Variants in UBE2V2 observed in about 807,000 individuals in gnomAD.
UBE2V2 encodes ubiquitin conjugating enzyme E2 V2.
In UBE2V2, 9 loss-of-function variants were observed where a neutral mutation model predicts 17.2. The ratio of observed to expected loss-of-function variants is 0.52; its 90% CI spans 0.32 to 0.91. UBE2V2 has a LOEUF of 0.91. Ranked by LOEUF, UBE2V2 falls within the 40% of genes least tolerant of loss-of-function variation. The pLI is 0.04. For missense variants in UBE2V2, 133 were observed against 182.6 expected, an observed-to-expected ratio of 0.73 and a Z score of 1.56; for synonymous variants, 61 against 57.5, an observed-to-expected ratio of 1.06 and a Z score of -0.28.
chr8:48,053,667 C>T (rs2091553900), intron 3 of UBE2V2, among the ~76,000 whole-genome samples: 1 of 151,564 alleles, frequency 6.6e-6, no homozygotes, highest in Non-Finnish European at 1.5e-5. Context: ...CTCAAATGAT[C>T]CGCCCGCCTC....
the UBE2V2 span, among the ~76,000 whole-genome samples, chr8:47,998,421 G>T: frequency 6.6e-6 from 1 of 151,982 alleles, no homozygotes; most frequent in Admixed American, 6.6e-5. Context: ...CGTGTCAGGT[G>T]TCCCTGACAC....
upstream of UBE2V2, among the ~76,000 whole-genome samples, chr8:48,005,857 T>C (rs1057469477): frequency 3.3e-5 from 5 of 152,178 alleles, no homozygotes; most frequent in African/African-American, 9.6e-5. Flanking sequence ...CACTTTTTGA[T>C]GGACTTATTT....
chr8:48,045,867 C>G (rs2091495201), intron 2 of UBE2V2, among the ~76,000 whole-genome samples: 1 of 152,168 alleles, frequency 6.6e-6, no homozygotes, highest in Non-Finnish European at 1.5e-5. Flanking sequence ...GTTGTTTTCT[C>G]CTTAGAAGGT....
At position 48,063,828 on chromosome 8, in the gene UBE2V2, C is replaced by T. The variant is rs1483164575; in HGVS notation, c.*3000C>T. On this transcript the variant is annotated 3_prime_UTR_variant, in exon 4 of 4. Transcript: ENST00000523111. ...TTTCGCAGAGTAGATTTGTTTGACT[C>T]ATGGTTTATTAGTCTGGATTACTTA... is the stretch of plus-strand genomic sequence containing the variant. The T allele has an allele frequency of 6.6e-6, 1 of 152,148 alleles. No homozygotes were observed. The highest frequency in any genetic ancestry group is 6.6e-5 in the Admixed American group (1 of 15,266). 9.4% of individuals were successfully genotyped at this position (152,148 alleles called of 1,614,324 possible). A position where few individuals can be genotyped will look rare whatever the true frequency, so the allele number is the denominator to read the frequency against.
At chr8:48,010,658 C>T (rs1244318671) in intron 1 of UBE2V2, among the ~76,000 whole-genome samples, 1 of 149,016 alleles carries the variant, frequency 6.7e-6, no homozygotes, top group Non-Finnish European at 1.5e-5. Flanking sequence ...TCCCAAATTG[C>T]TGGGATTACA....
At chr8:48,025,222 C>T (rs1157451972) in intron 1 of UBE2V2, among the ~76,000 whole-genome samples, 1 of 151,980 alleles carries the variant, frequency 6.6e-6, no homozygotes, top group Non-Finnish European at 1.5e-5. Flanking sequence ...CAGGCGTGAG[C>T]CACCATGCCT....
upstream of UBE2V2, among the ~76,000 whole-genome samples, chr8:48,004,736 G>T (rs553164870): frequency 3.3e-5 from 5 of 151,962 alleles, no homozygotes; most frequent in African/African-American, 1.2e-4. Flanking sequence ...TCACCATTTT[G>T]GCCAGGCTGG....
chr8:48,061,566 C>G lies in UBE2V2; in HGVS notation c.*738C>G, dbSNP rs1268786500. ...ATGTAAATAAAATGTGAAACGTGTC[C>G]TCAGAGACTGTGCCATTTCTATTAT... On this transcript the variant is annotated 3_prime_UTR_variant, in exon 4 of 4. Transcript: ENST00000523111. 1 of 152,508 alleles carries G rather than the reference C, an allele frequency of 6.6e-6. No individual in the cohort carries two copies. Among genetic ancestry groups the G allele is most frequent in the East Asian group, 1.9e-4 (1 of 5,194 alleles). 9.4% of individuals were successfully genotyped at this position (152,508 alleles called of 1,614,324 possible). A position where few individuals can be genotyped will look rare whatever the true frequency, so the allele number is the denominator to read the frequency against.
chr8:48,035,107 CTTTTTTT>C (rs578114987), intron 1 of UBE2V2: 197 of 855,254 alleles, frequency 2.3e-4, no homozygotes, highest in African/African-American at 1.2e-3. Context: ...CCTATTTATT[CTTTTTTT>C]TTTTTTTTTT....
intron 1 of UBE2V2, among the ~76,000 whole-genome samples, chr8:48,009,126 C>G (rs947204375): frequency 2.0e-5 from 3 of 152,152 alleles, no homozygotes; most frequent in African/African-American, 7.2e-5. Context: ...CTACTGAATA[C>G]AATGTTTGGT....
At chr8:48,008,334 G>C (rs2091199631), upstream of UBE2V2, 2 of 1,333,428 alleles carry the variant, frequency 1.5e-6, no homozygotes, top group African/African-American at 1.5e-5. Context: ...TGTCCCTCGG[G>C]TCGCCCCGCG....
intron 3 of UBE2V2, among the ~76,000 whole-genome samples, chr8:48,057,066 T>A (rs903219787): frequency 5.3e-5 from 8 of 152,142 alleles, no homozygotes; most frequent in African/African-American, 1.9e-4. Context: ...CTTCTTTTTT[T>A]AATATTGTTT....
intron 2 of UBE2V2, among the ~76,000 whole-genome samples, chr8:48,048,828 G>A (rs1189888465): frequency 1.3e-5 from 2 of 151,966 alleles, no homozygotes; most frequent in South Asian, 2.1e-4. Flanking sequence ...TTATACAGCA[G>A]CCAGCAGATA....
At chr8:48,011,098 T>C (rs2091227297) in intron 1 of UBE2V2, among the ~76,000 whole-genome samples, 1 of 152,080 alleles carries the variant, frequency 6.6e-6, no homozygotes, top group African/African-American at 2.4e-5. Flanking sequence ...GGGAAGTAAA[T>C]AGTACCTGTG....
At chr8:48,020,753 G>A (rs2091299235) in intron 1 of UBE2V2, among the ~76,000 whole-genome samples, 1 of 152,062 alleles carries the variant, frequency 6.6e-6, no homozygotes, top group Non-Finnish European at 1.5e-5. Flanking sequence ...CTATAGGTGT[G>A]TGCCACCAAA....
chr8:48,020,294 T>C (rs1240107218), intron 1 of UBE2V2, among the ~76,000 whole-genome samples: 1 of 151,984 alleles, frequency 6.6e-6, no homozygotes, highest in East Asian at 1.9e-4. Flanking sequence ...TCCTTGGCCT[T>C]TCAGAATGCT....
chr8:48,038,482 A>ATT (rs575210142), intron 1 of UBE2V2, among the ~76,000 whole-genome samples: 4 of 143,226 alleles, frequency 2.8e-5, no homozygotes, highest in Non-Finnish European at 3.1e-5. Context: ...TGCCCAGCTA[A>ATT]TTTTTTTTTT....
chr8:48,037,000 G>A (rs926621283), intron 1 of UBE2V2, among the ~76,000 whole-genome samples: 1 of 152,012 alleles, frequency 6.6e-6, no homozygotes, highest in African/African-American at 2.4e-5. Flanking sequence ...CCAACATGGC[G>A]AAACCCCGTC....
intron 2 of UBE2V2, among the ~76,000 whole-genome samples, chr8:48,047,034 C>G (rs888121191): frequency 2.0e-5 from 3 of 151,808 alleles, no homozygotes; most frequent in African/African-American, 7.3e-5. Context: ...CTCTGCCTCC[C>G]AGGTTCAAGT....
Sources: gnomAD v4.1 joint callset for allele counts (sites outside exome capture counted in the v4.1 genomes callset) on GRCh38, gnomAD v4.1.1 for gene constraint, MANE v1.5 for transcripts, NCBI Gene and HGNC (gene_info 2026-07-23, HGNC 2026-07-21) for gene names.